FAM13B: variants seen among roughly 807,000 people sequenced by gnomAD.
FAM13B encodes the protein protein FAM13B.
A neutral mutation model predicts 117.3 loss-of-function variants in FAM13B; 60 were observed. The observed-to-expected ratio is 0.51, with a 90% confidence interval of 0.42 to 0.63. The LOEUF is 0.63. FAM13B is among the 30% of genes least tolerant of loss of function. The pLI, the probability that FAM13B is intolerant of heterozygous loss-of-function variation, is 0.00. For missense variants in FAM13B, 972 were observed against 1,091.9 expected, an observed-to-expected ratio of 0.89 and a Z score of 1.55; for synonymous variants, 332 against 356.1, an observed-to-expected ratio of 0.93 and a Z score of 0.76.
At chr5:138,014,461 G>A (rs1447509011) in intron 4 of FAM13B, among the ~76,000 whole-genome samples, 2 of 152,186 alleles carry the variant, frequency 1.3e-5, no homozygotes, top group South Asian at 4.1e-4. Flanking sequence ...CATTCTTTAT[G>A]AGAATCTGAT....
chr5:137,955,823 G>A (rs1766360365), intron 14 of FAM13B, among the ~76,000 whole-genome samples: 1 of 152,038 alleles, frequency 6.6e-6, no homozygotes, highest in Non-Finnish European at 1.5e-5. Flanking sequence ...GTTGAGATGG[G>A]GTTTCACCAT....
upstream of FAM13B, chr5:138,051,977 C>CA (rs143365657): frequency 0.038 from 5,781 of 152,128 alleles, 133 homozygotes; most frequent in Middle Eastern, 0.058. Flanking sequence ...TGAAAACTGC[C>CA]AAAAAAGTCT....
chr5:137,955,627 T>C (rs1766287797), intron 14 of FAM13B, among the ~76,000 whole-genome samples: 2 of 152,068 alleles, frequency 1.3e-5, no homozygotes, highest in African/African-American at 4.8e-5. Flanking sequence ...CATTAGCTTT[T>C]TATTTATTTA....
intron 7 of FAM13B, among the ~76,000 whole-genome samples, chr5:137,994,820 G>A (rs1319597488): frequency 2.0e-5 from 3 of 152,136 alleles, no homozygotes; most frequent in Non-Finnish European, 4.4e-5. Flanking sequence ...ATCTGCCTAC[G>A]ATGACATAAT....
chr5:138,036,279 C>G (rs1485599529), upstream of FAM13B: 1 of 381,450 alleles, frequency 2.6e-6, no homozygotes, highest in African/African-American at 2.1e-5. Flanking sequence ...CGAAGGAGAG[C>G]TTTTTTCTCA....
At chr5:137,981,077 ATTTTTT>A (rs56799832) in intron 10 of FAM13B, among the ~76,000 whole-genome samples, 20 of 60,456 alleles carry the variant, frequency 3.3e-4, no homozygotes, top group African/African-American at 1.3e-3. Context: ...ACACCTGGCT[ATTTTTT>A]TTTTTTTTTT....
At chr5:138,047,857 T>C (rs1791687230) in intron 1 of FAM13B, among the ~76,000 whole-genome samples, 1 of 152,242 alleles carries the variant, frequency 6.6e-6, no homozygotes, top group Non-Finnish European at 1.5e-5. Context: ...GATATTCCTC[T>C]AGGGGCCTGA....
intron 10 of FAM13B, among the ~76,000 whole-genome samples, chr5:137,962,702 A>C (rs553051178): frequency 6.6e-6 from 1 of 152,216 alleles, no homozygotes; most frequent in East Asian, 1.9e-4. Flanking sequence ...TCTATTAGGT[A>C]ATATGTATCA....
rs1777565249 is a variant in FAM13B, at chr5:137,987,626, A to T, written c.891-10T>A. 6.2e-7 allele frequency: 1 copy of T among 1,604,512 alleles called. No homozygotes were observed. Among genetic ancestry groups the T allele is most frequent in the Non-Finnish European group, 8.5e-7 (1 of 1,175,356 alleles). ...TGTTCTTTCTAAAATACTACAAAAC[A>T]ACACGTTTTAGTAAGAAGCAGTCAC... is the stretch of plus-strand genomic sequence containing the variant. On this transcript the variant is annotated splice_polypyrimidine_tract_variant and intron_variant, in intron 8 of 23. Coordinates refer to ENST00000689681, the MANE Select transcript of FAM13B (RefSeq NM_001385994.1).
intron 1 of FAM13B, among the ~76,000 whole-genome samples, chr5:138,048,894 A>G (rs1240264690): frequency 6.6e-6 from 1 of 152,056 alleles, no homozygotes. Flanking sequence ...TTCTGACTAC[A>G]ATCTAAAAAT....
chr5:137,947,587 C>T (rs930620978), intron 18 of FAM13B, among the ~76,000 whole-genome samples: 2 of 145,676 alleles, frequency 1.4e-5, no homozygotes, highest in Non-Finnish European at 3.0e-5. Context: ...AAAAAAATTT[C>T]TTTTTTTTTT....
chr5:137,950,944 C>T (rs1046033009), intron 17 of FAM13B, among the ~76,000 whole-genome samples: 3 of 152,100 alleles, frequency 2.0e-5, no homozygotes, highest in South Asian at 2.1e-4. Flanking sequence ...AGGTGGCTCA[C>T]GCCTGTAATC....
intron 6 of FAM13B, among the ~76,000 whole-genome samples, chr5:138,010,266 C>T (rs1783642082): frequency 6.6e-6 from 1 of 152,200 alleles, no homozygotes; most frequent in Non-Finnish European, 1.5e-5. Flanking sequence ...CAGGCATGAG[C>T]CACCACGCCT....
chr5:137,989,219 C>A (rs1205651256), intron 7 of FAM13B, among the ~76,000 whole-genome samples: 3 of 152,154 alleles, frequency 2.0e-5, no homozygotes, highest in Non-Finnish European at 4.4e-5. Flanking sequence ...TGTGGCAATA[C>A]AATCTCTAAC....
At chr5:137,956,639 A>G in intron 13 of FAM13B, 97 bp from the exon 14 acceptor site, 1 of 724,288 alleles carries the variant, frequency 1.4e-6, no homozygotes, top group East Asian at 3.3e-5. Context: ...GATACCAAAA[A>G]CATTTCCCTA....
intron 7 of FAM13B, among the ~76,000 whole-genome samples, chr5:137,995,248 G>C (rs973650629): frequency 6.6e-6 from 1 of 152,210 alleles, no homozygotes; most frequent in Non-Finnish European, 1.5e-5. Context: ...CCAATCAAGA[G>C]TCTACAATTT....
intron 10 of FAM13B, among the ~76,000 whole-genome samples, 156 bp from the exon 11 acceptor site, chr5:137,962,625 CAG>C (rs975415248): frequency 1.3e-5 from 2 of 152,170 alleles, no homozygotes; most frequent in Admixed American, 6.5e-5. Context: ...TCTCTTTTTA[CAG>C]AGAGTAATTT....
At chr5:138,037,648 C>A (rs1446151666), upstream of FAM13B, among the ~76,000 whole-genome samples, 1 of 152,052 alleles carries the variant, frequency 6.6e-6, no homozygotes, top group East Asian at 1.9e-4. Flanking sequence ...TTCCCTTGCA[C>A]CATCAGTAAG....
intron 7 of FAM13B, among the ~76,000 whole-genome samples, chr5:137,990,339 T>C (rs1778312011): frequency 6.6e-6 from 1 of 152,210 alleles, no homozygotes; most frequent in African/African-American, 2.4e-5. Context: ...TCTTAGCCAT[T>C]TAATTTGTGA....
Sources: allele counts gnomAD v4.1 joint callset (sites outside exome capture counted in the v4.1 genomes callset), GRCh38; gene constraint gnomAD v4.1.1; transcripts MANE v1.5; gene names NCBI Gene and HGNC (gene_info 2026-07-23, HGNC 2026-07-21).